Variants in TASOR2 observed in about 807,000 individuals in gnomAD.
The protein encoded by TASOR2 is protein TASOR 2.
TASOR2 carries 84 observed loss-of-function variants against 199.5 expected under a neutral mutation model. That is an observed-to-expected ratio of 0.42 (90% CI 0.35 to 0.50). The LOEUF (loss-of-function observed/expected upper bound fraction) is 0.50, where lower values mean the gene tolerates loss of function less well. Ranked by LOEUF, TASOR2 falls within the 20% of genes least tolerant of loss-of-function variation. TASOR2 has a pLI of 0.02. For synonymous variants in TASOR2, 1,103 were observed against 1,046.6 expected (o/e 1.05, Z -1.04); for missense variants, 2,796 against 2,835.9 (o/e 0.99, Z 0.32).
intron 1 of TASOR2, chr10:5,712,573 T>C (rs930329614): frequency 8.1e-7 from 1 of 1,230,648 alleles, no homozygotes; most frequent in Non-Finnish European, 1.0e-6. Flanking sequence ...GATGGTTTTG[T>C]TTTAGTTTTA....
chr10:5,693,501 G>A (rs1199272653), intron 1 of TASOR2, among the ~76,000 whole-genome samples: 1 of 152,102 alleles, frequency 6.6e-6, no homozygotes, highest in African/African-American at 2.4e-5. Flanking sequence ...TTTTAATAGG[G>A]TCACTTTGTT....
At chr10:5,761,176 C>T (rs976803407) in intron 18 of TASOR2, 114 bp from the exon 20 acceptor site, 18 of 824,206 alleles carry the variant, frequency 2.2e-5, no homozygotes, top group Non-Finnish European at 2.8e-5. Context: ...TGAAAAAGAA[C>T]GTCAAGAAGA....
chr10:5,742,861 ATATTGTTTAAGGATC>A lies in TASOR2; in HGVS notation c.2757+336_2757+350del, dbSNP rs1297230953. Reference sequence around the variant, plus strand: ...TAATACCTATCAAGTCTTATGTAGAATATTGTTTAAGGATCAAATATAGCAATAATAAATCTTAGA... The same window carrying A: ...TAATACCTATCAAGTCTTATGTAGAAAAATATAGCAATAATAAATCTTAGA... On this transcript the variant is annotated intron_variant, in intron 14 of 20. Transcript: ENST00000328090. The surrounding 1 kb of genome is among the most constrained non-coding windows in gnomAD (Gnocchi z 4.2). Among the ~76,000 whole-genome samples, 1 of 152,226 alleles carries A rather than the reference ATATTGTTTAAGGATC, an allele frequency of 6.6e-6. No homozygotes were observed. Among genetic ancestry groups the A allele is most frequent in the African/African-American group, 2.4e-5 (1 of 41,460 alleles).
intron 1 of TASOR2, among the ~76,000 whole-genome samples, chr10:5,707,280 A>G (rs1476426450): frequency 2.0e-5 from 3 of 152,200 alleles, no homozygotes; most frequent in South Asian, 2.1e-4. Context: ...ATCAGTTAGT[A>G]TGTCTTCAGC....
At chr10:5,747,040 G>C (rs1177885681) in exon 15 of TASOR2, 2 of 1,614,142 alleles carry the variant, frequency 1.2e-6, no homozygotes, top group South Asian at 2.2e-5. Context: ...GGTTGAAGTG[G>C]ACTCATCATC....
Position 5,723,755 on chromosome 10 carries a change from A to G in TASOR2, c.225A>G (p.Lys75=), listed in dbSNP as rs775635450. Residue 75 remains lysine, a synonymous_variant, in exon 7 of 21, where the codon AAA becomes AAG. Transcript: ENST00000328090. The stretch of plus-strand genomic sequence containing the variant: ...GACTACCAGAGGCTGCCTTCAGAAA[A>G]CAGAATTACTTGGAGGAGAAAGGTC... 2.3e-5 allele frequency: 37 copies of G among 1,605,448 alleles called. No individual in the cohort carries two copies. The East Asian group carries it at 7.8e-4, about 34-fold the overall frequency.
Position 5,685,279 on chromosome 10 carries a change from G to C in TASOR2, c.-288+104G>C, listed in dbSNP as rs1425694085. ...CTGCCGGGGCTTGGCTGCGAGGGTCGACGCGTTCTCCTTGCCTTTTGCCGC... is the reference window on the plus strand; with the variant it reads ...CTGCCGGGGCTTGGCTGCGAGGGTCCACGCGTTCTCCTTGCCTTTTGCCGC... On this transcript the variant is annotated intron_variant, in intron 1 of 20. Transcript: ENST00000328090. This position sits in a 1 kb window ranked among gnomAD's most constrained non-coding sequence, Gnocchi z 5.4. The C allele has an allele frequency of 2.5e-6, 1 of 396,756 alleles. No homozygotes were observed. Among genetic ancestry groups the C allele is most frequent in the Non-Finnish European group, 4.4e-6 (1 of 225,134 alleles). 24.6% of individuals were successfully genotyped at this position (396,756 alleles called of 1,614,324 possible).
At position 5,762,512 on chromosome 10, in the gene TASOR2, T is replaced by TTTG. The variant is rs1554784523; in HGVS notation, c.7175-18_7175-17insGTT. ...CATTAATTATATTAACCAAAAGTTG[T>TTTG]TTTTTTTTTTTTTTAACAGACAAGC... On this transcript the variant is annotated intron_variant, in intron 19 of 20. Transcript: ENST00000328090. 37 of 411,544 alleles carry TTTG rather than the reference T, an allele frequency of 9.0e-5. 4 individuals carry two copies. In the Middle Eastern group the frequency reaches 8.6e-3, roughly 96 times the overall value. 25.5% of individuals were successfully genotyped at this position (411,544 alleles called of 1,614,324 possible).
chr10:5,689,340 G>A lies in TASOR2; in HGVS notation c.-288+4165G>A, dbSNP rs1170389126. ...GTATTGGCCGGGTGCGGTGGCTCAC[G>A]CCTGTAATCCCAGCACTTTGGGTGG... On this transcript the variant is annotated intron_variant, in intron 1 of 20. Transcript: ENST00000328090. The surrounding 1 kb of genome is among the most constrained non-coding windows in gnomAD (Gnocchi z 4.1). 2.0e-5 allele frequency among the ~76,000 whole-genome samples: 3 copies of A among 152,138 alleles called. No individual in the cohort carries two copies. The highest frequency in any genetic ancestry group is 4.8e-5 in the African/African-American group (2 of 41,428).
At position 5,710,830 on chromosome 10, in the gene TASOR2, A is replaced by C. The variant is rs1831815155; in HGVS notation, c.-287-1993A>C. Among the ~76,000 whole-genome samples the C allele has an allele frequency of 6.6e-6, 1 of 152,242 alleles. No homozygotes were observed. Among genetic ancestry groups the C allele is most frequent in the Admixed American group, 6.5e-5 (1 of 15,292 alleles). On this transcript the variant is annotated intron_variant, in intron 1 of 20. Coordinates refer to ENST00000328090, the Ensembl canonical transcript of TASOR2. This position sits in a 1 kb window ranked among gnomAD's most constrained non-coding sequence, Gnocchi z 4.6. ...TTTCTTGCTTTTTTATAAATATCAA[A>C]TATAAAGTTCCCAAAATTATTGTTT...
intron 11 of TASOR2, among the ~76,000 whole-genome samples, chr10:5,731,650 C>T (rs1834831925): frequency 2.0e-5 from 3 of 152,190 alleles, no homozygotes; most frequent in Admixed American, 2.0e-4. Flanking sequence ...AATTTGTGTG[C>T]CTCCTAATGC....
rs560370859 is a variant in TASOR2, at chr10:5,738,374, T to A, written c.1448-1244T>A. On this transcript the variant is annotated intron_variant, in intron 12 of 20. Coordinates refer to ENST00000328090, the Ensembl canonical transcript of TASOR2. The surrounding 1 kb of genome is among the most constrained non-coding windows in gnomAD (Gnocchi z 4.7). ...TATATTAGGCCTTACTGGTAAGTAA[T>A]ATTTTGTGTAAGGGATAAGTAGATG... 6.6e-6 allele frequency among the ~76,000 whole-genome samples: 1 copy of A among 152,312 alleles called. No homozygotes were observed. The highest frequency in any genetic ancestry group is 1.5e-5 in the Non-Finnish European group (1 of 68,024).
In TASOR2 at chr10:5,730,324, A is replaced by G. The variant is rs563889377; in HGVS notation, c.488-163A>G. Among the ~76,000 whole-genome samples the G allele has an allele frequency of 1.3e-5, 2 of 152,312 alleles. No individual in the cohort carries two copies. The highest frequency in any genetic ancestry group is 2.4e-5 in the African/African-American group (1 of 41,562). On this transcript the variant is annotated intron_variant, in intron 10 of 20. Transcript: ENST00000328090. The surrounding 1 kb of genome is among the most constrained non-coding windows in gnomAD (Gnocchi z 4.1). Reference sequence around the variant, plus strand: ...AAGTATATGGAGATACATTTGTTAAATGTACCTCTAAGTCTTCTATTAATT... The same window carrying G: ...AAGTATATGGAGATACATTTGTTAAGTGTACCTCTAAGTCTTCTATTAATT...
At position 5,754,745 on chromosome 10, in the gene TASOR2, A is replaced by G. The variant is rs982483070; in HGVS notation, c.6607-1868A>G. Among the ~76,000 whole-genome samples, 19 of 152,124 alleles carry G rather than the reference A, an allele frequency of 1.2e-4. No homozygotes were observed. The highest frequency in any genetic ancestry group is 4.3e-4 in the African/African-American group (18 of 41,418). Reference sequence around the variant, plus strand: ...TGTGCAAAGGTAAAACTACTTGTCAACTGAGAAAGTGGACACGGCCGGGCG... The same window carrying G: ...TGTGCAAAGGTAAAACTACTTGTCAGCTGAGAAAGTGGACACGGCCGGGCG... On this transcript the variant is annotated intron_variant, in intron 15 of 20. Transcript: ENST00000328090. The surrounding 1 kb of genome is among the most constrained non-coding windows in gnomAD (Gnocchi z 4.3).
At chr10:5,762,617 A>C in exon 20 of TASOR2, 1 of 1,484,208 alleles carries the variant, frequency 6.7e-7, no homozygotes, top group Non-Finnish European at 9.2e-7. Context: ...ACATAGAAAA[A>C]ATAGCAGCTC....
rs2131617276 is a variant in TASOR2, at chr10:5,742,603, AAAC to A, written c.2757+80_2757+82del. 7.3e-7 allele frequency: 1 copy of A among 1,375,186 alleles called. No homozygotes were observed. The highest frequency in any genetic ancestry group is 2.3e-5 in the East Asian group (1 of 42,852). The allele number at this position is 1,375,186 out of a possible 1,614,324, so 85.2% of individuals were successfully genotyped here. On this transcript the variant is annotated intron_variant, in intron 14 of 20. Coordinates refer to ENST00000328090, the Ensembl canonical transcript of TASOR2. The surrounding 1 kb of genome is among the most constrained non-coding windows in gnomAD (Gnocchi z 4.2). ...ATGTTTATATGTAAAATCACATTCA[AAAC>A]AAGGCATTTTTAAATTTTAGGACAG...
At chr10:5,716,927 T>A (rs569353931) in intron 2 of TASOR2, among the ~76,000 whole-genome samples, 58 of 146,888 alleles carry the variant, frequency 3.9e-4, no homozygotes, top group African/African-American at 1.1e-3. Context: ...TATATATATA[T>A]AAATATAAAC....
intron 2 of TASOR2, among the ~76,000 whole-genome samples, chr10:5,713,438 A>G (rs115687453): frequency 2.8e-4 from 42 of 152,282 alleles, no homozygotes; most frequent in African/African-American, 9.6e-4. Flanking sequence ...TAGGTCTCCA[A>G]AGATATGTAT....
chr10:5,731,144 C>G (rs377180792), exon 11 of TASOR2: 18 of 1,611,124 alleles, frequency 1.1e-5, no homozygotes, highest in Non-Finnish European at 1.5e-5. Flanking sequence ...GACAACAGCT[C>G]GGACTCTCCA....
Sources: gnomAD v4.1 joint callset for allele counts (sites outside exome capture counted in the v4.1 genomes callset) on GRCh38, gnomAD v4.1.1 for gene constraint, Gnocchi (gnomAD v3.1) non-coding constraint, MANE v1.5 for transcripts, NCBI Gene and HGNC (gene_info 2026-07-23, HGNC 2026-07-21) for gene names.